Variants in EDEM1 observed in about 807,000 individuals in gnomAD.
EDEM1 encodes ER degradation-enhancing alpha-mannosidase-like protein 1.
EDEM1 carries 67 observed loss-of-function variants against 74.4 expected under a neutral mutation model. The observed-to-expected ratio is 0.90, with a 90% CI of 0.74 to 1.10. The LOEUF (loss-of-function observed/expected upper bound fraction) is 1.10. Among genes scored for constraint, EDEM1 ranks in the 50% least tolerant of loss-of-function variants. The pLI, the probability that EDEM1 is intolerant of heterozygous loss-of-function variation, is 0.00. For synonymous variants in EDEM1, 382 were observed against 335.9 expected (o/e 1.14, Z -1.50); for missense variants, 926 against 851.6 (o/e 1.09, Z -1.09).
chr3:5,211,653 AGTGTGTGT>A (rs34661098), intron 10 of EDEM1, among the ~76,000 whole-genome samples: 86 of 146,968 alleles, frequency 5.9e-4, no homozygotes, highest in East Asian at 4.3e-3. Flanking sequence ...TGAGTGAGTG[AGTGTGTGT>A]GTGTGTGTGT....
rs1452649211 is a variant in EDEM1, at chr3:5,219,255, T to C, written c.*3337T>C. The stretch of plus-strand genomic sequence containing the variant: ...AGGGGCCTTTCTCTTTGATAAATTT[T>C]TTTTGTCTGTTGACAAAAACAAAAA... On this transcript the variant is annotated 3_prime_UTR_variant, in exon 12 of 12. Coordinates refer to ENST00000256497, the MANE Select transcript of EDEM1 (RefSeq NM_014674.3). The C allele has an allele frequency of 1.3e-5, 2 of 152,258 alleles. No individual in the cohort carries two copies. The highest frequency in any genetic ancestry group is 2.9e-5 in the Non-Finnish European group (2 of 68,048). 9.4% of individuals were successfully genotyped at this position (152,258 alleles called of 1,614,324 possible).
intron 1 of EDEM1, among the ~76,000 whole-genome samples, chr3:5,192,675 G>A (rs932897853): frequency 6.6e-6 from 1 of 152,236 alleles, no homozygotes; most frequent in Admixed American, 6.5e-5. Context: ...GAGCTGCATA[G>A]TGGGCTGGCA....
intron 3 of EDEM1, 151 bp from the exon 4 acceptor site, chr3:5,201,602 A>G: frequency 1.3e-6 from 1 of 764,058 alleles, no homozygotes; most frequent in Middle Eastern, 2.6e-4. Context: ...AGAGCTAGAA[A>G]GGAATTCAAG....
intron 5 of EDEM1, among the ~76,000 whole-genome samples, chr3:5,204,101 A>G (rs1285873660): frequency 6.6e-6 from 1 of 152,220 alleles, no homozygotes; most frequent in Non-Finnish European, 1.5e-5. Context: ...TGTATTTAAC[A>G]ACAGCAATAG....
Position 5,188,247 on chromosome 3 carries a change from C to A in EDEM1, c.442C>A (p.His148Asn). The change falls in exon 1 of 12, where the codon CAC (histidine) becomes AAC (asparagine). Residue 148 changes from histidine (H) to asparagine (N), a missense_variant. By Grantham distance (68) the His-to-Asn change is moderately conservative. Transcript: ENST00000256497. ...FVFGYDNYMA[H>N]AFPQDELNPI... ...CTTTGGCTACGACAACTACATGGCT[C>A]ACGCCTTCCCCCAGGACGAGCTCAA... The A allele has an allele frequency of 6.3e-7, 1 of 1,579,882 alleles. No homozygotes were observed. Among genetic ancestry groups the A allele is most frequent in the Non-Finnish European group, 8.6e-7 (1 of 1,165,346 alleles).
chr3:5,210,336 A>C, intron 9 of EDEM1, 88 bp downstream of exon 9: 1 of 1,253,086 alleles, frequency 8.0e-7, no homozygotes, highest in Non-Finnish European at 1.2e-6. Context: ...TTTGCATTTT[A>C]ATTTATAGAA....
rs770188719 is a variant in EDEM1, at chr3:5,195,301, T to TA, written c.582+27dup. ...CTTGCAGTAAGTGTTCACCTTTTTT[T>TA]AAAAAAATGAATTAAGATGTTTTAG... On this transcript the variant is annotated intron_variant, in intron 2 of 11. Coordinates refer to ENST00000256497, the MANE Select transcript of EDEM1 (RefSeq NM_014674.3). The TA allele has an allele frequency of 5.4e-6, 8 of 1,482,656 alleles. No individual in the cohort carries two copies. Among genetic ancestry groups the TA allele is most frequent in the Admixed American group, 2.1e-5 (1 of 47,194 alleles). 91.8% of individuals were successfully genotyped at this position (1,482,656 alleles called of 1,614,324 possible). A position where few individuals can be genotyped will look rare whatever the true frequency, so the allele number is the denominator to read the frequency against.
rs1041549069 is a variant in EDEM1, at chr3:5,204,115, TAAAG to T, written c.1043-949_1043-946del. Among the ~76,000 whole-genome samples the T allele has an allele frequency of 1.9e-4, 29 of 152,138 alleles. 1 individual carries two copies. Among genetic ancestry groups the T allele is most frequent in the African/African-American group, 6.3e-4 (26 of 41,424 alleles). ...TTGTATTTAACAACAGCAATAGAAA[TAAAG>T]AAGTCACTCAAATTGTCAGCCTATC... On this transcript the variant is annotated intron_variant, in intron 5 of 11. Transcript: ENST00000256497.
intron 3 of EDEM1, 64 bp downstream of exon 3, chr3:5,199,759 T>C: frequency 1.4e-6 from 2 of 1,398,154 alleles, no homozygotes; most frequent in Non-Finnish European, 2.0e-6. Context: ...AAGAAAAAAA[T>C]ACCTTTGAGG....
At chr3:5,212,693 T>G (rs1245858302) in intron 10 of EDEM1, among the ~76,000 whole-genome samples, 1 of 152,264 alleles carries the variant, frequency 6.6e-6, no homozygotes, top group African/African-American at 2.4e-5. Context: ...AACACTTGCC[T>G]TCTCCTGCAC....
intron 8 of EDEM1, among the ~76,000 whole-genome samples, chr3:5,209,303 C>T (rs759432959): frequency 2.0e-5 from 3 of 152,098 alleles, no homozygotes; most frequent in Non-Finnish European, 2.9e-5. Flanking sequence ...CTTTCTGAGC[C>T]CAGTAGAAAG....
At chr3:5,214,188 T>C (rs1460039305) in intron 11 of EDEM1, among the ~76,000 whole-genome samples, 1 of 152,146 alleles carries the variant, frequency 6.6e-6, no homozygotes, top group Non-Finnish European at 1.5e-5. Context: ...AGTGAAAGTA[T>C]CAGGTAGTTG....
intron 1 of EDEM1, among the ~76,000 whole-genome samples, chr3:5,194,495 T>G (rs2054938726): frequency 6.6e-6 from 1 of 152,196 alleles, no homozygotes; most frequent in African/African-American, 2.4e-5. Context: ...CATCCTGAAG[T>G]TGGTTTCTTA....
chr3:5,208,712 C>T (rs2055129528), intron 8 of EDEM1, among the ~76,000 whole-genome samples: 1 of 151,436 alleles, frequency 6.6e-6, no homozygotes. Flanking sequence ...TTGGATTCAT[C>T]TGGATGCCTG....
In EDEM1 at chr3:5,188,001, G is replaced by C. The variant is rs1033630386; in HGVS notation, c.196G>C (p.Val66Leu). 1.3e-6 allele frequency: 2 copies of C among 1,508,162 alleles called. No individual in the cohort carries two copies. Among genetic ancestry groups the C allele is most frequent in the Non-Finnish European group, 1.8e-6 (2 of 1,130,968 alleles). The allele number at this position is 1,508,162 out of a possible 1,614,324, so 93.4% of individuals were successfully genotyped here. Residue 66 changes from valine to leucine, a missense_variant, in exon 1 of 12, where the codon GTA (valine) becomes CTA (leucine). Transcript: ENST00000256497. ...TSGPVGRPGGVSGPSWLQPPG... is the reference protein window; with the variant it reads ...TSGPVGRPGGLSGPSWLQPPG... Reference sequence around the variant, plus strand: ...GGGGCCCGTGGGCCGGCCTGGGGGGGTATCCGGGCCGTCGTGGCTGCAGCC... The same window carrying C: ...GGGGCCCGTGGGCCGGCCTGGGGGGCTATCCGGGCCGTCGTGGCTGCAGCC...
intron 8 of EDEM1, among the ~76,000 whole-genome samples, chr3:5,208,836 G>C (rs1319498534): frequency 6.6e-6 from 1 of 151,832 alleles, no homozygotes; most frequent in Non-Finnish European, 1.5e-5. Context: ...TTCAGTGGTA[G>C]AGGGAATGTG....
At chr3:5,200,749 G>T (rs1163182959) in intron 3 of EDEM1, among the ~76,000 whole-genome samples, 4 of 152,044 alleles carry the variant, frequency 2.6e-5, no homozygotes, top group African/African-American at 9.7e-5. Flanking sequence ...CTCTTAGTAG[G>T]TCATTTTTTC....
At chr3:5,208,392 C>T (rs940687596) in intron 8 of EDEM1, 129 bp downstream of exon 8, 3 of 1,107,808 alleles carry the variant, frequency 2.7e-6, no homozygotes, top group Non-Finnish European at 3.8e-6. Flanking sequence ...TGAGTTACCC[C>T]CTATCCGTAG....
At chr3:5,188,693 A>C (rs1429834800) in intron 1 of EDEM1, among the ~76,000 whole-genome samples, 2 of 152,020 alleles carry the variant, frequency 1.3e-5, no homozygotes, top group East Asian at 3.9e-4. Context: ...TCTAAATGAA[A>C]TCTCCATCAT....
Sources: gnomAD v4.1 joint callset for allele counts (sites outside exome capture counted in the v4.1 genomes callset) on GRCh38, gnomAD v4.1.1 for gene constraint, MANE v1.5 for transcripts, NCBI Gene and HGNC (gene_info 2026-07-23, HGNC 2026-07-21) for gene names.